SHISA9: variants seen among roughly 807,000 people sequenced by gnomAD.
The protein encoded by SHISA9 is shisa family member 9.
Under a neutral mutation model 38.0 loss-of-function variants are expected in SHISA9, and 13 were observed. The ratio of observed to expected loss-of-function variants is 0.34; its 90% CI spans 0.22 to 0.54. The LOEUF is 0.54. Among genes scored for constraint, SHISA9 ranks in the 20% least tolerant of loss-of-function variants. The pLI is 0.91. For missense variants in SHISA9, 538 were observed against 575.8 expected (o/e 0.93, Z 0.67); for synonymous variants, 275 against 242.0 (o/e 1.14, Z -1.27).
chr16:12,962,547 A>C (rs1469267149), intron 2 of SHISA9, among the ~76,000 whole-genome samples: 1 of 149,208 alleles, frequency 6.7e-6, no homozygotes, highest in Non-Finnish European at 1.5e-5. Flanking sequence ...TAGTGCCCCT[A>C]TAAGAAGAAA....
chr16:13,228,049 T>C (rs555553244), intron 4 of SHISA9, among the ~76,000 whole-genome samples: 84 of 152,364 alleles, frequency 5.5e-4, no homozygotes, highest in African/African-American at 1.6e-3. Context: ...GTGTATCTCA[T>C]GCAATTCATT....
chr16:13,336,383 T>C, the SHISA9 span, among the ~76,000 whole-genome samples: 1 of 152,224 alleles, frequency 6.6e-6, no homozygotes, highest in Admixed American at 6.5e-5. Flanking sequence ...AAGTCCTTGT[T>C]CAGTGCACTG....
chr16:12,996,409 C>T (rs1249493333), intron 2 of SHISA9, among the ~76,000 whole-genome samples: 1 of 152,158 alleles, frequency 6.6e-6, no homozygotes, highest in Admixed American at 6.5e-5. Flanking sequence ...CTCAGTTTGG[C>T]ACAGGCCCCC....
At chr16:13,433,321 G>C in the SHISA9 span, among the ~76,000 whole-genome samples, 1 of 152,040 alleles carries the variant, frequency 6.6e-6, no homozygotes, top group Non-Finnish European at 1.5e-5. Flanking sequence ...TCAGTTGCTC[G>C]TCTGTAAATC....
the SHISA9 span, among the ~76,000 whole-genome samples, chr16:13,322,316 T>G: frequency 6.6e-6 from 1 of 152,228 alleles, no homozygotes; most frequent in Non-Finnish European, 1.5e-5. Context: ...TCCCTAAAGC[T>G]GCCAAGGCCT....
chr16:13,330,836 C>A, the SHISA9 span, among the ~76,000 whole-genome samples: 1 of 152,060 alleles, frequency 6.6e-6, no homozygotes. Flanking sequence ...AAAAGGCCAG[C>A]GGGGAATGAT....
chr16:12,986,471 A>C (rs1309526752), intron 2 of SHISA9, among the ~76,000 whole-genome samples: 2 of 152,154 alleles, frequency 1.3e-5, no homozygotes, highest in African/African-American at 2.4e-5. Flanking sequence ...AAATAATGGA[A>C]GTGTCCATCT....
chr16:13,538,947 C>A, the SHISA9 span, among the ~76,000 whole-genome samples: 1 of 151,952 alleles, frequency 6.6e-6, no homozygotes, highest in East Asian at 1.9e-4. Context: ...GATGTAGATT[C>A]ATGTTGAGAA....
chr16:13,290,286 T>C, the SHISA9 span, among the ~76,000 whole-genome samples: 75 of 152,268 alleles, frequency 4.9e-4, no homozygotes, highest in Admixed American at 1.8e-3. Context: ...CTCCCTTAAG[T>C]ACTATGTTGG....
the SHISA9 span, among the ~76,000 whole-genome samples, chr16:13,336,189 T>A: frequency 2.6e-5 from 4 of 152,182 alleles, no homozygotes; most frequent in Non-Finnish European, 5.9e-5. Context: ...TCATTGAACC[T>A]CACCAGAACC....
At chr16:13,242,363 G>C (rs185614456), downstream of SHISA9, among the ~76,000 whole-genome samples, 1 of 152,200 alleles carries the variant, frequency 6.6e-6, no homozygotes, top group East Asian at 1.9e-4. Flanking sequence ...TCCAATGTTT[G>C]TAACAAGCTC....
intron 2 of SHISA9, among the ~76,000 whole-genome samples, chr16:13,072,662 A>G (rs1335909511): frequency 6.6e-6 from 1 of 151,886 alleles, no homozygotes; most frequent in African/African-American, 2.4e-5. Context: ...AAAAAAGTAA[A>G]ATCTTTTTTT....
At chr16:13,408,019 G>T in the SHISA9 span, among the ~76,000 whole-genome samples, 474 of 152,246 alleles carry the variant, frequency 3.1e-3, 2 homozygotes, top group African/African-American at 0.01. Flanking sequence ...GTTCTGGATG[G>T]CTTCTCTGTG....
At chr16:13,076,029 ATTTTTTT>A (rs35313169) in intron 2 of SHISA9, among the ~76,000 whole-genome samples, 1 of 135,496 alleles carries the variant, frequency 7.4e-6, no homozygotes, top group African/African-American at 2.8e-5. Flanking sequence ...TGAGAAATAG[ATTTTTTT>A]TTTTTTTTTT....
chr16:13,048,265 A>G (rs1020345094), intron 2 of SHISA9, among the ~76,000 whole-genome samples: 1 of 152,218 alleles, frequency 6.6e-6, no homozygotes, highest in Non-Finnish European at 1.5e-5. Context: ...TGATTTTTCC[A>G]TGGTAGATGC....
At chr16:13,346,294 G>C in the SHISA9 span, among the ~76,000 whole-genome samples, 1 of 152,024 alleles carries the variant, frequency 6.6e-6, no homozygotes, top group Non-Finnish European at 1.5e-5. Context: ...AGCTTAAATC[G>C]GCTGCGACGC....
the SHISA9 span, among the ~76,000 whole-genome samples, chr16:13,444,482 AG>A: frequency 6.6e-6 from 1 of 151,754 alleles, no homozygotes; most frequent in Non-Finnish European, 1.5e-5. Flanking sequence ...GAAGGGAGGA[AG>A]GGGAAAGTCT....
At chr16:13,005,533 C>T (rs192433379) in intron 2 of SHISA9, among the ~76,000 whole-genome samples, 17 of 152,224 alleles carry the variant, frequency 1.1e-4, no homozygotes, top group East Asian at 5.8e-4. Context: ...GATTTACATC[C>T]GGAGTTTTCT....
At chr16:13,069,438 ATG>A (rs1406961493) in intron 2 of SHISA9, among the ~76,000 whole-genome samples, 5 of 151,430 alleles carry the variant, frequency 3.3e-5, no homozygotes, top group African/African-American at 9.8e-5. Context: ...GTATGTGTAT[ATG>A]TGTGTGTACA....
Sources: allele counts gnomAD v4.1 joint callset (sites outside exome capture counted in the v4.1 genomes callset), GRCh38; gene constraint gnomAD v4.1.1; transcripts MANE v1.5; gene names NCBI Gene and HGNC (gene_info 2026-07-23, HGNC 2026-07-21).